The following MEGF9 variants were observed in gnomAD, a reference collection of about 807,000 sequenced individuals.
MEGF9 encodes multiple epidermal growth factor-like domains protein 9.
MEGF9 carries 6 observed loss-of-function variants against 46.8 expected under a neutral mutation model. The ratio of observed to expected loss-of-function variants is 0.13; its 90% CI spans 0.07 to 0.25. MEGF9 has a LOEUF of 0.25. MEGF9 is among the 10% of genes least tolerant of loss of function. The probability of loss-of-function intolerance (pLI) is 1.00; values close to 1 mark genes in which losing one functional copy is unlikely to be tolerated. For missense variants in MEGF9, 683 were observed against 792.4 expected (o/e 0.86, Z 1.66); for synonymous variants, 302 against 330.7 (o/e 0.91, Z 0.94).
chr9:120,680,649 G>A (rs1241848952), intron 1 of MEGF9, among the ~76,000 whole-genome samples: 6 of 152,134 alleles, frequency 3.9e-5, no homozygotes, highest in African/African-American at 1.2e-4. Flanking sequence ...GACCCTGGAT[G>A]TATCCAGAGA....
chr9:120,659,514 T>C lies in MEGF9; in HGVS notation c.663A>G (p.Thr221=), dbSNP rs749977059. ...SLNVNRCNQT[T]GQCECRPGYQ... ...AACCTGGCCGACACTCACACTGCCCTGTGGTCTGGTTGCAGCGATTCACAT... is the reference window on the plus strand; with the variant it reads ...AACCTGGCCGACACTCACACTGCCCCGTGGTCTGGTTGCAGCGATTCACAT... The change falls in exon 2 of 6, where the codon ACA becomes ACG. Residue 221 remains threonine, a synonymous_variant. Coordinates refer to ENST00000373930, the MANE Select transcript of MEGF9 (RefSeq NM_001080497.3). The C allele has an allele frequency of 6.8e-6, 11 of 1,613,606 alleles. No homozygotes were observed. In the African/African-American group the frequency reaches 9.3e-5, roughly 14 times the overall value.
At chr9:120,650,779 T>C (rs541496533) in intron 2 of MEGF9, among the ~76,000 whole-genome samples, 3 of 152,308 alleles carry the variant, frequency 2.0e-5, no homozygotes, top group Admixed American at 6.5e-5. Context: ...ATCAGATTTC[T>C]TATGTCATTG....
intron 1 of MEGF9, 23 bp downstream of exon 1, chr9:120,713,735 C>T (rs763212155): frequency 4.7e-6 from 6 of 1,282,246 alleles, no homozygotes; most frequent in African/African-American, 4.5e-5. Flanking sequence ...CGGGTCCTGC[C>T]CGAGAGGGAG....
In MEGF9 at chr9:120,600,922, A is replaced by G. The variant is rs1035984904; in HGVS notation, c.*4268T>C. On this transcript the variant is annotated 3_prime_UTR_variant, in exon 6 of 6. Transcript: ENST00000373930. ...CAAAAAAGTAAACAACAAATCTACA[A>G]TAGGTACAAATTATATACATTTATT... is the stretch of plus-strand genomic sequence containing the variant. 1 of 152,676 alleles carries G rather than the reference A, an allele frequency of 6.5e-6. No homozygotes were observed. Among genetic ancestry groups the G allele is most frequent in the Non-Finnish European group, 1.5e-5 (1 of 68,048 alleles). 9.5% of individuals were successfully genotyped at this position (152,676 alleles called of 1,614,324 possible). A position where few individuals can be genotyped will look rare whatever the true frequency, so the allele number is the denominator to read the frequency against.
At chr9:120,689,494 A>T (rs540317336) in intron 1 of MEGF9, among the ~76,000 whole-genome samples, 12 of 152,260 alleles carry the variant, frequency 7.9e-5, no homozygotes, top group African/African-American at 2.9e-4. Context: ...ACAGTGTGAA[A>T]ATGGACCAGG....
At chr9:120,611,865 A>AGGAAGAAAGAGAG (rs572613293) in intron 4 of MEGF9, among the ~76,000 whole-genome samples, 2 of 137,152 alleles carry the variant, frequency 1.5e-5, no homozygotes, top group Admixed American at 7.4e-5. Context: ...GGAAGGAAGA[A>AGGAAGAAAGAGAG]AGAGAGAGAG....
At chr9:120,710,224 T>G (rs1040153277) in intron 1 of MEGF9, among the ~76,000 whole-genome samples, 2 of 151,674 alleles carry the variant, frequency 1.3e-5, no homozygotes, top group Non-Finnish European at 2.9e-5. Flanking sequence ...AGGTCGGGAA[T>G]CCGAGACCAG....
In MEGF9 at chr9:120,603,369, A is replaced by C. The variant is rs780650780; in HGVS notation, c.*1821T>G. The stretch of plus-strand genomic sequence containing the variant: ...TATAATGTAATATAATGTAACCTCT[A>C]TTCTTCTGAGCAATGGCCAAATACG... On this transcript the variant is annotated 3_prime_UTR_variant, in exon 6 of 6. Coordinates refer to ENST00000373930, the MANE Select transcript of MEGF9 (RefSeq NM_001080497.3). 1 of 152,208 alleles carries C rather than the reference A, an allele frequency of 6.6e-6. No individual in the cohort carries two copies. Among genetic ancestry groups the C allele is most frequent in the Non-Finnish European group, 1.5e-5 (1 of 68,038 alleles). 9.4% of individuals were successfully genotyped at this position (152,208 alleles called of 1,614,324 possible).
intron 4 of MEGF9, among the ~76,000 whole-genome samples, chr9:120,611,865 A>AGGAAG (rs572613293): frequency 7.3e-5 from 10 of 137,144 alleles, no homozygotes; most frequent in African/African-American, 3.0e-4. Flanking sequence ...GGAAGGAAGA[A>AGGAAG]AGAGAGAGAG....
At chr9:120,636,478 T>C (rs992657643) in intron 2 of MEGF9, among the ~76,000 whole-genome samples, 2 of 152,136 alleles carry the variant, frequency 1.3e-5, no homozygotes, top group African/African-American at 2.4e-5. Context: ...TCAAAAAGAG[T>C]ACTGCTTAAG....
At chr9:120,621,919 C>T (rs2043500976) in intron 3 of MEGF9, among the ~76,000 whole-genome samples, 1 of 146,192 alleles carries the variant, frequency 6.8e-6, no homozygotes, top group South Asian at 2.1e-4. Flanking sequence ...CCTGTGTCTC[C>T]TTAGCCCTAA....
intron 2 of MEGF9, among the ~76,000 whole-genome samples, chr9:120,625,101 T>C (rs1010654841): frequency 9.2e-5 from 14 of 152,094 alleles, no homozygotes; most frequent in African/African-American, 3.1e-4. Flanking sequence ...CAACTGCAGT[T>C]AAACAGGAAT....
At chr9:120,676,755 A>C (rs1269160279) in intron 1 of MEGF9, among the ~76,000 whole-genome samples, 1 of 152,210 alleles carries the variant, frequency 6.6e-6, no homozygotes, top group African/African-American at 2.4e-5. Flanking sequence ...CCTTATTACT[A>C]TTATAATAAA....
intron 4 of MEGF9, among the ~76,000 whole-genome samples, chr9:120,611,619 G>A (rs987328159): frequency 6.6e-6 from 1 of 151,984 alleles, no homozygotes; most frequent in Non-Finnish European, 1.5e-5. Context: ...ATGATTATAG[G>A]ATTGTTTTTT....
chr9:120,668,202 A>G (rs1435572707), intron 1 of MEGF9, among the ~76,000 whole-genome samples: 1 of 152,206 alleles, frequency 6.6e-6, no homozygotes, highest in Non-Finnish European at 1.5e-5. Flanking sequence ...AATTATCAAC[A>G]CAAGAGTTTT....
intron 1 of MEGF9, among the ~76,000 whole-genome samples, chr9:120,681,388 G>A (rs546389510): frequency 1.3e-3 from 195 of 152,260 alleles, no homozygotes; most frequent in Non-Finnish European, 1.6e-3. Flanking sequence ...TACTGTGGCT[G>A]AGCTTGTATC....
At chr9:120,621,232 T>C (rs1432916722) in intron 3 of MEGF9, among the ~76,000 whole-genome samples, 1 of 152,240 alleles carries the variant, frequency 6.6e-6, no homozygotes, top group Non-Finnish European at 1.5e-5. Context: ...GGAAAATTCA[T>C]GGCCATTTTC....
intron 4 of MEGF9, among the ~76,000 whole-genome samples, chr9:120,609,290 G>A (rs2043434081): frequency 1.1e-5 from 1 of 94,834 alleles, no homozygotes; most frequent in African/African-American, 3.3e-5. Flanking sequence ...CTCTGCATGG[G>A]ACATCCTCTT....
intron 5 of MEGF9, among the ~76,000 whole-genome samples, chr9:120,606,284 A>G (rs2043420313): frequency 6.6e-6 from 1 of 152,186 alleles, no homozygotes; most frequent in African/African-American, 2.4e-5. Context: ...ATTTGTCACT[A>G]CTGAGCTCTA....
Sources: gnomAD v4.1 joint callset for allele counts (sites outside exome capture counted in the v4.1 genomes callset) on GRCh38, gnomAD v4.1.1 for gene constraint, MANE v1.5 for transcripts, NCBI Gene and HGNC (gene_info 2026-07-23, HGNC 2026-07-21) for gene names.